ZDHHC15: variants seen among roughly 807,000 people sequenced by gnomAD.
ZDHHC15 encodes zDHHC palmitoyltransferase 15, also known as palmitoyltransferase ZDHHC15.
ZDHHC15 carries 19 observed loss-of-function variants against 31.7 expected under a neutral mutation model. The observed-to-expected ratio is 0.60, with a 90% CI of 0.42 to 0.88. The LOEUF is 0.88. Among genes scored for constraint, ZDHHC15 ranks in the 40% least tolerant of loss-of-function variants. The pLI, the probability that ZDHHC15 is intolerant of heterozygous loss-of-function variation, is 0.00. For missense variants in ZDHHC15, 209 were observed against 251.2 expected, an observed-to-expected ratio of 0.83 and a Z score of 1.14; for synonymous variants, 103 against 90.0, an observed-to-expected ratio of 1.14 and a Z score of -0.82.
intron 10 of ZDHHC15, among the ~76,000 whole-genome samples, chrX:75,398,254 C>A (rs1325739572): frequency 8.9e-6 from 1 of 112,548 alleles, no homozygotes; most frequent in African/African-American, 3.2e-5. Context: ...GCCGTTCCAG[C>A]CTTCAGGCTT....
chrX:75,457,796 TAACA>T (rs1488627531), intron 3 of ZDHHC15, among the ~76,000 whole-genome samples: 7 of 110,924 alleles, frequency 6.3e-5, no homozygotes, highest in Non-Finnish European at 1.1e-4. Flanking sequence ...ATAATACAAA[TAACA>T]AACAATACAA....
At chrX:75,505,082 T>C (rs928299938) in intron 2 of ZDHHC15, among the ~76,000 whole-genome samples, 2 of 111,588 alleles carry the variant, frequency 1.8e-5, no homozygotes, top group African/African-American at 6.5e-5. Context: ...GTCTACTGTC[T>C]TCCAACCACT....
chrX:75,409,985 G>T (rs2083467157), intron 10 of ZDHHC15, among the ~76,000 whole-genome samples: 1 of 110,190 alleles, frequency 9.1e-6, no homozygotes, highest in Non-Finnish European at 1.9e-5. Context: ...ATACAATGTA[G>T]AAAGAACAGT....
chrX:75,508,424 T>A (rs1297159066), intron 1 of ZDHHC15, among the ~76,000 whole-genome samples: 1 of 106,559 alleles, frequency 9.4e-6, no homozygotes, highest in Non-Finnish European at 1.9e-5. Flanking sequence ...TGCGATAGTT[T>A]GCCGAGAATG....
chrX:75,467,959 T>C (rs190456288), intron 3 of ZDHHC15, among the ~76,000 whole-genome samples: 1 of 111,748 alleles, frequency 8.9e-6, no homozygotes, highest in East Asian at 2.8e-4. Flanking sequence ...TCTGTCTCTA[T>C]GGATTTGCCT....
At chrX:75,443,554 A>G (rs1489694231) in intron 4 of ZDHHC15, among the ~76,000 whole-genome samples, 1 of 112,199 alleles carries the variant, frequency 8.9e-6, no homozygotes, top group African/African-American at 3.2e-5. Flanking sequence ...GGACATAGGC[A>G]TGGTCAAAGA....
chrX:75,441,710 G>A (rs968187483), intron 4 of ZDHHC15, among the ~76,000 whole-genome samples: 1 of 104,359 alleles, frequency 9.6e-6, no homozygotes, highest in Non-Finnish European at 1.9e-5. Flanking sequence ...TGCAAGCTCC[G>A]CCTCCTGGGT....
chrX:75,450,974 G>A, intron 3 of ZDHHC15, 52 bp from the exon 4 acceptor site: 6 of 1,154,803 alleles, frequency 5.2e-6, no homozygotes, highest in South Asian at 2.0e-5. Flanking sequence ...TAATAGAAAA[G>A]ATTAAAACCA....
At chrX:75,412,722 C>T (rs750755924) in intron 10 of ZDHHC15, among the ~76,000 whole-genome samples, 50 of 112,036 alleles carry the variant, frequency 4.5e-4, no homozygotes, top group Non-Finnish European at 9.0e-4. Flanking sequence ...TGAGCCACCA[C>T]GCCTGGCTAT....
chrX:75,446,666 C>T (rs182833801), intron 4 of ZDHHC15, among the ~76,000 whole-genome samples: 6 of 111,410 alleles, frequency 5.4e-5, no homozygotes, highest in African/African-American at 2.0e-4. Flanking sequence ...GCATGGTTCT[C>T]GAGGCTTGGA....
intron 7 of ZDHHC15, among the ~76,000 whole-genome samples, chrX:75,426,849 CTT>C (rs2083719509): frequency 9.0e-6 from 1 of 111,180 alleles, no homozygotes. Context: ...AAAGTCCTAA[CTT>C]TGGAAATTTA....
chrX:75,429,273 C>A, intron 6 of ZDHHC15, 75 bp from the exon 7 acceptor site: 2 of 1,086,592 alleles, frequency 1.8e-6, no homozygotes, highest in Non-Finnish European at 1.2e-6. Context: ...GTGAACTAAG[C>A]AATGGAATAA....
rs770182054 is a variant in ZDHHC15, at chrX:75,432,551, C to T, written c.380-1031G>A. ...TTTTGCATATTTTAAAATATACTGT[C>T]AATGCTCCTATCCTCATTTAAGCCA... On this transcript the variant is annotated intron_variant, in intron 4 of 11. Coordinates refer to ENST00000373367, the MANE Select transcript of ZDHHC15 (RefSeq NM_144969.3). 5.4e-5 allele frequency among the ~76,000 whole-genome samples: 6 copies of T among 111,628 alleles called. No homozygotes were observed. In the South Asian group the frequency reaches 2.2e-3, roughly 42 times the overall value.
intron 2 of ZDHHC15, among the ~76,000 whole-genome samples, chrX:75,487,456 GA>G (rs747339053): frequency 1.8e-5 from 2 of 112,006 alleles, no homozygotes; most frequent in African/African-American, 6.5e-5. Flanking sequence ...TGATTTGCAG[GA>G]AGCTGTATCC....
rs1006654302 is a variant in ZDHHC15, at chrX:75,413,053, T to C, written c.967+4034A>G. 3.6e-5 allele frequency among the ~76,000 whole-genome samples: 4 copies of C among 111,893 alleles called. No individual in the cohort carries two copies. The East Asian group carries it at 1.1e-3, about 31-fold the overall frequency. On this transcript the variant is annotated intron_variant, in intron 10 of 11. Coordinates refer to ENST00000373367, the MANE Select transcript of ZDHHC15 (RefSeq NM_144969.3). ...GGAAATTTTCTAAGAGCATAGATTATAAGTACTCTTATCCCACAAAAAAAG... is the reference window on the plus strand; with the variant it reads ...GGAAATTTTCTAAGAGCATAGATTACAAGTACTCTTATCCCACAAAAAAAG...
intron 2 of ZDHHC15, among the ~76,000 whole-genome samples, chrX:75,491,063 T>G (rs2084879967): frequency 9.0e-6 from 1 of 111,704 alleles, no homozygotes; most frequent in African/African-American, 3.3e-5. Flanking sequence ...TGGAAGCCAG[T>G]GTGGTGATTC....
intron 1 of ZDHHC15, among the ~76,000 whole-genome samples, chrX:75,517,985 A>C (rs893096723): frequency 9.1e-6 from 1 of 110,400 alleles, no homozygotes; most frequent in Non-Finnish European, 1.9e-5. Flanking sequence ...ACAAAAAAAA[A>C]CAAAAAACAA....
intron 10 of ZDHHC15, among the ~76,000 whole-genome samples, chrX:75,389,016 T>G (rs1465918767): frequency 8.9e-6 from 1 of 111,747 alleles, no homozygotes; most frequent in Non-Finnish European, 1.9e-5. Flanking sequence ...TAGCAGTGGT[T>G]GCATGGTATG....
chrX:75,518,191 G>T (rs1051902355), intron 1 of ZDHHC15, among the ~76,000 whole-genome samples: 1 of 111,360 alleles, frequency 9.0e-6, no homozygotes, highest in African/African-American at 3.3e-5. Context: ...ATACTATCAA[G>T]TATGGGGGAA....
Sources: gnomAD v4.1 joint callset for allele counts (sites outside exome capture counted in the v4.1 genomes callset) on GRCh38, gnomAD v4.1.1 for gene constraint, MANE v1.5 for transcripts, NCBI Gene and HGNC (gene_info 2026-07-23, HGNC 2026-07-21) for gene names.